CADPS: variants seen among roughly 807,000 people sequenced by gnomAD.
CADPS encodes the protein calcium dependent secretion activator.
In CADPS, 57 loss-of-function variants were observed where a neutral mutation model predicts 167.3. The ratio of observed to expected loss-of-function variants is 0.34; its 90% CI spans 0.28 to 0.42. CADPS has a LOEUF of 0.42. Ranked by LOEUF, CADPS falls within the 20% of genes least tolerant of loss-of-function variation. The probability of loss-of-function intolerance (pLI) is 1.00; values close to 1 mark genes in which losing one functional copy is unlikely to be tolerated. For synonymous variants in CADPS, 676 were observed against 635.3 expected, an observed-to-expected ratio of 1.06 and a Z score of -0.96; for missense variants, 1,414 against 1,738.1, an observed-to-expected ratio of 0.81 and a Z score of 3.32.
chr3:62,752,921 C>A (rs1306840878), intron 3 of CADPS, among the ~76,000 whole-genome samples: 2 of 152,156 alleles, frequency 1.3e-5, no homozygotes, highest in Non-Finnish European at 2.9e-5. Flanking sequence ...TGGGGTGGAC[C>A]CAAGCAGAGC....
rs533779317 is a variant in CADPS at position 62,449,718 on chromosome 3, C to T, written c.3637-3921G>A. On this transcript the variant is annotated intron_variant, in intron 26 of 29. Transcript: ENST00000383710. ...TAAGATATTGTTTTGATGAACAAAA[C>T]GCAAATTTCTTTAAAAGCACTATAT... Among the ~76,000 whole-genome samples, 22 of 152,162 alleles carry T rather than the reference C, an allele frequency of 1.4e-4. No homozygotes were observed. The South Asian group carries it at 3.1e-3, about 22-fold the overall frequency.
intron 3 of CADPS, among the ~76,000 whole-genome samples, chr3:62,710,101 A>G (rs923307269): frequency 7.2e-5 from 11 of 152,116 alleles, no homozygotes; most frequent in African/African-American, 2.7e-4. Flanking sequence ...AATATCTAAT[A>G]AAGTAATTAT....
intron 28 of CADPS, among the ~76,000 whole-genome samples, chr3:62,411,493 T>G (rs534620379): frequency 1.4e-4 from 21 of 152,342 alleles, no homozygotes; most frequent in African/African-American, 2.2e-4. Flanking sequence ...TGAAATACTG[T>G]AATGAAATAT....
intron 13 of CADPS, among the ~76,000 whole-genome samples, chr3:62,519,779 T>A (rs2069987696): frequency 6.6e-6 from 1 of 150,502 alleles, no homozygotes; most frequent in African/African-American, 2.5e-5. Context: ...GCTACCATGC[T>A]TAACAAAAAC....
At chr3:62,735,848 G>A (rs1368931593) in intron 3 of CADPS, among the ~76,000 whole-genome samples, 1 of 152,200 alleles carries the variant, frequency 6.6e-6, no homozygotes, top group Non-Finnish European at 1.5e-5. Context: ...GATACTGTAG[G>A]AGATGATAGT....
At chr3:62,460,615 G>T (rs2150279482) in intron 26 of CADPS, among the ~76,000 whole-genome samples, 1 of 152,246 alleles carries the variant, frequency 6.6e-6, no homozygotes, top group South Asian at 2.1e-4. Context: ...ATTCAGTTTG[G>T]GCTTTAGACC....
intron 11 of CADPS, among the ~76,000 whole-genome samples, chr3:62,537,728 G>T (rs2074978493): frequency 1.3e-5 from 2 of 151,970 alleles, no homozygotes; most frequent in Non-Finnish European, 2.9e-5. Context: ...TCAGTCCCAG[G>T]CAGCTTTTTT....
intron 6 of CADPS, chr3:62,625,455 A>G (rs533110733): frequency 6.6e-6 from 1 of 150,674 alleles, no homozygotes; most frequent in South Asian, 2.1e-4. Flanking sequence ...GCACAGAAAC[A>G]GGACACCACT....
At chr3:62,721,443 T>C (rs1038386227) in intron 3 of CADPS, among the ~76,000 whole-genome samples, 1 of 152,046 alleles carries the variant, frequency 6.6e-6, no homozygotes, top group South Asian at 2.1e-4. Context: ...AGTTGGAAAA[T>C]TGAAGTTCAG....
intron 7 of CADPS, among the ~76,000 whole-genome samples, chr3:62,586,941 G>T (rs766121372): frequency 6.6e-6 from 1 of 152,144 alleles, no homozygotes; most frequent in Non-Finnish European, 1.5e-5. Context: ...TATCTTTAAG[G>T]TACCACATAT....
chr3:62,415,244 T>C (rs2049823378), intron 28 of CADPS, among the ~76,000 whole-genome samples: 4 of 152,150 alleles, frequency 2.6e-5, no homozygotes, highest in Admixed American at 2.6e-4. Flanking sequence ...TTGTGGCACA[T>C]TTTATCAAAA....
intron 3 of CADPS, among the ~76,000 whole-genome samples, chr3:62,749,009 T>C (rs2082126369): frequency 6.6e-6 from 1 of 151,938 alleles, no homozygotes; most frequent in Admixed American, 6.5e-5. Flanking sequence ...TTGAGTTACC[T>C]TTAGAATTCA....
At chr3:62,824,422 G>C (rs979426737) in intron 1 of CADPS, among the ~76,000 whole-genome samples, 1 of 152,178 alleles carries the variant, frequency 6.6e-6, no homozygotes, top group African/African-American at 2.4e-5. Context: ...ATCATCAGTT[G>C]TGAGAGTATT....
chr3:62,740,287 C>T (rs561927112), intron 3 of CADPS, among the ~76,000 whole-genome samples: 6 of 152,220 alleles, frequency 3.9e-5, no homozygotes, highest in Non-Finnish European at 7.3e-5. Context: ...ACCATGTGCA[C>T]AAGCACATCT....
chr3:62,597,080 G>A (rs971894542), intron 6 of CADPS, among the ~76,000 whole-genome samples: 4 of 152,218 alleles, frequency 2.6e-5, no homozygotes, highest in East Asian at 1.9e-4. Context: ...ATGGCTGGGT[G>A]TGGTGCCTCA....
chr3:62,428,296 CTTTTTTTTTTTTTTTTTT>C (rs34002756), intron 28 of CADPS, among the ~76,000 whole-genome samples: 4 of 64,646 alleles, frequency 6.2e-5, no homozygotes, highest in South Asian at 5.9e-4. Context: ...GGAAGCAAGA[CTTTTTTTTTTTTTTTTTT>C]TTTTTTTTTT....
chr3:62,689,892 G>A (rs1186363435), intron 3 of CADPS, among the ~76,000 whole-genome samples: 1 of 151,998 alleles, frequency 6.6e-6, no homozygotes, highest in East Asian at 1.9e-4. Context: ...TCTAGCAGGA[G>A]AAAACAGGAA....
At chr3:62,558,650 T>C (rs2078615424) in intron 9 of CADPS, among the ~76,000 whole-genome samples, 1 of 152,198 alleles carries the variant, frequency 6.6e-6, no homozygotes, top group African/African-American at 2.4e-5. Context: ...GAGTGCTACA[T>C]GCATCTCCCG....
At chr3:62,599,877 TAA>T (rs1491195106) in intron 6 of CADPS, among the ~76,000 whole-genome samples, 24 of 72,176 alleles carry the variant, frequency 3.3e-4, no homozygotes, top group African/African-American at 7.2e-4. Context: ...TAATAATATA[TAA>T]TATATATATA....
Sources: allele counts gnomAD v4.1 joint callset (sites outside exome capture counted in the v4.1 genomes callset), GRCh38; gene constraint gnomAD v4.1.1; transcripts MANE v1.5; gene names NCBI Gene and HGNC (gene_info 2026-07-23, HGNC 2026-07-21).